PHACTR1: variants seen among roughly 807,000 people sequenced by gnomAD.
PHACTR1 encodes RPEL repeat containing 1.
A neutral mutation model predicts 69.2 loss-of-function variants in PHACTR1; 16 were observed. That is an observed-to-expected ratio of 0.23 (90% CI 0.16 to 0.35). PHACTR1 has a LOEUF of 0.35. PHACTR1 is among the 10% of genes least tolerant of loss of function. The probability of loss-of-function intolerance (pLI) is 1.00; values close to 1 mark genes in which losing one functional copy is unlikely to be tolerated. For synonymous variants in PHACTR1, 312 were observed against 284.5 expected (o/e 1.10, Z -0.97); for missense variants, 510 against 734.7 (o/e 0.69, Z 3.54).
chr6:13,128,372 G>C (rs775057155), intron 5 of PHACTR1, among the ~76,000 whole-genome samples: 15 of 150,028 alleles, frequency 1.0e-4, no homozygotes, highest in Non-Finnish European at 1.6e-4. Context: ...AACAGAGAAC[G>C]GTGAAAACCA....
At chr6:12,978,132 T>C (rs1178437809) in intron 4 of PHACTR1, among the ~76,000 whole-genome samples, 3 of 152,162 alleles carry the variant, frequency 2.0e-5, no homozygotes, top group Admixed American at 6.5e-5. Context: ...GCATCCTGCC[T>C]GGCCTGGTTT....
chr6:12,747,004 C>T (rs1025156912), intron 3 of PHACTR1, among the ~76,000 whole-genome samples: 4 of 152,166 alleles, frequency 2.6e-5, no homozygotes, highest in African/African-American at 7.2e-5. Flanking sequence ...GATTGGTTTA[C>T]AGCCTGTTAG....
intron 4 of PHACTR1, among the ~76,000 whole-genome samples, chr6:13,015,150 A>G (rs917950720): frequency 6.6e-6 from 1 of 152,234 alleles, no homozygotes; most frequent in Non-Finnish European, 1.5e-5. Flanking sequence ...TGGAAGAACA[A>G]ACATTACTTA....
chr6:13,175,585 G>A (rs1426440615), intron 6 of PHACTR1, among the ~76,000 whole-genome samples: 1 of 152,172 alleles, frequency 6.6e-6, no homozygotes, highest in Non-Finnish European at 1.5e-5. Context: ...GAGGTTAGCA[G>A]GTCCCCCAGG....
chr6:13,233,427 A>G lies in PHACTR1; in HGVS notation c.1391+3234A>G, dbSNP rs577278504. On this transcript the variant is annotated intron_variant, in intron 10 of 14. Transcript: ENST00000332995. ...CAGGTGTATTATTCAGTTTGCTGCT[A>G]TGAAGAAATACCTGAGACTGGGTAA... Among the ~76,000 whole-genome samples the G allele has an allele frequency of 1.3e-3, 195 of 152,142 alleles. 1 individual carries two copies. Among genetic ancestry groups the G allele is most frequent in the African/African-American group, 4.3e-3 (177 of 41,478 alleles).
chr6:13,127,551 C>CAG (rs1222320771), intron 5 of PHACTR1, among the ~76,000 whole-genome samples: 1 of 152,150 alleles, frequency 6.6e-6, no homozygotes, highest in Non-Finnish European at 1.5e-5. Context: ...GGCTGCGTGA[C>CAG]AGAGAGAGAC....
chr6:12,765,673 T>C (rs934329454), intron 4 of PHACTR1, among the ~76,000 whole-genome samples: 2 of 152,190 alleles, frequency 1.3e-5, no homozygotes, highest in Non-Finnish European at 2.9e-5. Context: ...AGCATTTCTG[T>C]TTCCACTCCT....
intron 4 of PHACTR1, among the ~76,000 whole-genome samples, chr6:12,783,726 A>C (rs898785050): frequency 2.0e-5 from 3 of 152,230 alleles, no homozygotes; most frequent in African/African-American, 7.2e-5. Flanking sequence ...CAAAGGAAGA[A>C]ATTAAAGGTT....
At chr6:13,086,707 T>A (rs918986185) in intron 5 of PHACTR1, among the ~76,000 whole-genome samples, 12 of 151,712 alleles carry the variant, frequency 7.9e-5, no homozygotes, top group African/African-American at 2.9e-4. Flanking sequence ...AGTTTACCCA[T>A]TTGACCAGTT....
chr6:13,140,449 T>C (rs531516794), intron 5 of PHACTR1, among the ~76,000 whole-genome samples: 1 of 152,256 alleles, frequency 6.6e-6, no homozygotes, highest in East Asian at 1.9e-4. Flanking sequence ...GTATTACTCA[T>C]CATTAAAAAA....
intron 4 of PHACTR1, among the ~76,000 whole-genome samples, chr6:12,940,903 TTAC>T (rs542255537): frequency 1.0e-3 from 153 of 152,346 alleles, no homozygotes; most frequent in African/African-American, 3.5e-3. Flanking sequence ...GAAATGATTC[TTAC>T]TACTGTCACC....
At chr6:13,005,045 G>A (rs995518613) in intron 4 of PHACTR1, among the ~76,000 whole-genome samples, 2 of 151,118 alleles carry the variant, frequency 1.3e-5, no homozygotes, top group African/African-American at 4.9e-5. Flanking sequence ...TTAATAAAAA[G>A]CCCAGCAGTT....
At chr6:12,854,720 T>C (rs1389076309) in intron 4 of PHACTR1, among the ~76,000 whole-genome samples, 4 of 152,076 alleles carry the variant, frequency 2.6e-5, no homozygotes, top group African/African-American at 9.7e-5. Context: ...CATTAAAAAG[T>C]GGGCAAAGGA....
At chr6:12,983,521 C>T (rs1051617163) in intron 4 of PHACTR1, among the ~76,000 whole-genome samples, 20 of 151,848 alleles carry the variant, frequency 1.3e-4, no homozygotes, top group African/African-American at 4.8e-4. Flanking sequence ...TCTAAGGAGA[C>T]GTATTTATTA....
intron 4 of PHACTR1, among the ~76,000 whole-genome samples, chr6:12,939,532 G>A (rs1051734051): frequency 6.6e-6 from 1 of 152,138 alleles, no homozygotes; most frequent in Non-Finnish European, 1.5e-5. Context: ...CAAAATCCCA[G>A]CCAAGTCTAA....
chr6:13,066,162 T>C (rs1204625248), intron 5 of PHACTR1, among the ~76,000 whole-genome samples: 2 of 152,182 alleles, frequency 1.3e-5, no homozygotes, highest in Non-Finnish European at 2.9e-5. Context: ...TAATTGTTTC[T>C]TCTCAAAGTG....
chr6:13,206,540 C>A (rs1237985724), intron 8 of PHACTR1, among the ~76,000 whole-genome samples: 1 of 152,118 alleles, frequency 6.6e-6, no homozygotes, highest in Non-Finnish European at 1.5e-5. Flanking sequence ...AAAAATATCA[C>A]CAAACTTCTA....
At chr6:12,807,794 C>T (rs1774523273) in intron 4 of PHACTR1, among the ~76,000 whole-genome samples, 1 of 152,204 alleles carries the variant, frequency 6.6e-6, no homozygotes, top group South Asian at 2.1e-4. Flanking sequence ...TTCCTTACAT[C>T]CATTCTTGTA....
intron 4 of PHACTR1, among the ~76,000 whole-genome samples, chr6:12,887,973 T>C (rs1226322245): frequency 6.9e-6 from 1 of 144,428 alleles, no homozygotes; most frequent in Non-Finnish European, 1.5e-5. Context: ...CTCGGGAGGC[T>C]GAAGCAGGAG....
Sources: allele counts gnomAD v4.1 joint callset (sites outside exome capture counted in the v4.1 genomes callset), GRCh38; gene constraint gnomAD v4.1.1; transcripts MANE v1.5; gene names NCBI Gene and HGNC (gene_info 2026-07-23, HGNC 2026-07-21).